IL1RAPL1: variants seen among roughly 807,000 people sequenced by gnomAD.
The protein encoded by IL1RAPL1 is interleukin-1 receptor accessory protein-like 1.
In IL1RAPL1, 3 loss-of-function variants were observed where a neutral mutation model predicts 48.4. The observed-to-expected ratio is 0.06, with a 90% CI of 0.03 to 0.16. The LOEUF (loss-of-function observed/expected upper bound fraction) is 0.16, where lower values mean the gene tolerates loss of function less well. Among genes scored for constraint, IL1RAPL1 ranks in the 10% least tolerant of loss-of-function variants. The probability of loss-of-function intolerance (pLI) is 1.00; values close to 1 mark genes in which losing one functional copy is unlikely to be tolerated. For missense variants in IL1RAPL1, 349 were observed against 530.6 expected, an observed-to-expected ratio of 0.66 and a Z score of 3.36; for synonymous variants, 185 against 187.7, an observed-to-expected ratio of 0.99 and a Z score of 0.12.
chrX:29,364,390 C>G (rs1933417282), intron 3 of IL1RAPL1, among the ~76,000 whole-genome samples: 1 of 108,014 alleles, frequency 9.3e-6, no homozygotes, highest in Non-Finnish European at 1.9e-5. Flanking sequence ...GAAACCCCAT[C>G]TCTACTAAAA....
At chrX:28,703,562 C>T (rs951067318) in intron 1 of IL1RAPL1, among the ~76,000 whole-genome samples, 1 of 110,996 alleles carries the variant, frequency 9.0e-6, no homozygotes, top group African/African-American at 3.3e-5. Context: ...TCCCCAACCC[C>T]CTAAAGAATA....
At chrX:28,645,549 C>A (rs1436104303) in intron 1 of IL1RAPL1, among the ~76,000 whole-genome samples, 1 of 109,171 alleles carries the variant, frequency 9.2e-6, no homozygotes, top group South Asian at 4.0e-4. Flanking sequence ...ATGCTATTGG[C>A]GATGAGCAGT....
chrX:28,612,584 G>A (rs1241230624), intron 1 of IL1RAPL1, among the ~76,000 whole-genome samples: 1 of 111,837 alleles, frequency 8.9e-6, no homozygotes, highest in Admixed American at 9.5e-5. Flanking sequence ...CTGAGTATGA[G>A]GGTGATATTG....
At chrX:29,012,323 G>A (rs1000519389) in intron 2 of IL1RAPL1, among the ~76,000 whole-genome samples, 11 of 111,490 alleles carry the variant, frequency 9.9e-5, no homozygotes, top group African/African-American at 2.3e-4. Flanking sequence ...CGGGTAGATC[G>A]CCTGAGGTCA....
At chrX:29,621,735 T>C (rs1924468487) in intron 5 of IL1RAPL1, among the ~76,000 whole-genome samples, 1 of 112,148 alleles carries the variant, frequency 8.9e-6, no homozygotes, top group Admixed American at 9.5e-5. Context: ...AATTGGAATA[T>C]CTGTCACCTT....
intron 5 of IL1RAPL1, among the ~76,000 whole-genome samples, chrX:29,599,343 G>A (rs937392205): frequency 1.8e-5 from 2 of 111,877 alleles, no homozygotes; most frequent in African/African-American, 6.5e-5. Context: ...GCTAAAAATC[G>A]GACCCCAATA....
intron 2 of IL1RAPL1, among the ~76,000 whole-genome samples, chrX:28,855,893 C>G (rs974376250): frequency 6.3e-5 from 7 of 111,376 alleles, no homozygotes; most frequent in Non-Finnish European, 1.3e-4. Context: ...AAATCCTACT[C>G]TACAGTAAAT....
intron 2 of IL1RAPL1, among the ~76,000 whole-genome samples, chrX:28,931,034 T>C (rs980041709): frequency 9.1e-6 from 1 of 109,659 alleles, no homozygotes; most frequent in African/African-American, 3.3e-5. Flanking sequence ...TTTGGTGGGG[T>C]GGGTTTTTTG....
chrX:29,755,880 T>C (rs1013988461), intron 6 of IL1RAPL1, among the ~76,000 whole-genome samples: 4 of 111,869 alleles, frequency 3.6e-5, no homozygotes, highest in Non-Finnish European at 7.5e-5. Context: ...TAAAATGAAA[T>C]GCGATGTGGA....
At position 29,673,551 on chromosome X, in the gene IL1RAPL1, C is replaced by T. The variant is rs150296633; in HGVS notation, c.778+5047C>T. 6.3e-5 allele frequency among the ~76,000 whole-genome samples: 7 copies of T among 111,189 alleles called. No homozygotes were observed. The East Asian group carries it at 2.0e-3, about 31-fold the overall frequency. Reference sequence around the variant, plus strand: ...AACCGTAAAACTTCCCTTTCTACTACGAGAAAAACAATAATATCCCAAGTC... The same window carrying T: ...AACCGTAAAACTTCCCTTTCTACTATGAGAAAAACAATAATATCCCAAGTC... On this transcript the variant is annotated intron_variant, in intron 6 of 10. Transcript: ENST00000378993.
chrX:29,067,173 G>A (rs1927469021), intron 2 of IL1RAPL1, among the ~76,000 whole-genome samples: 1 of 111,419 alleles, frequency 9.0e-6, no homozygotes, highest in East Asian at 2.8e-4. Flanking sequence ...TCATCATACT[G>A]CTGTTCTGGA....
chrX:29,586,233 A>G (rs1260845373), intron 5 of IL1RAPL1, among the ~76,000 whole-genome samples: 1 of 111,741 alleles, frequency 8.9e-6, no homozygotes, highest in African/African-American at 3.2e-5. Context: ...TATAGTGTAA[A>G]ACAAGGATCC....
At chrX:28,929,229 A>G (rs1372577905) in intron 2 of IL1RAPL1, among the ~76,000 whole-genome samples, 1 of 112,216 alleles carries the variant, frequency 8.9e-6, no homozygotes, top group Admixed American at 9.5e-5. Flanking sequence ...TACTTAGGCA[A>G]TTTGAACACA....
At chrX:28,974,139 A>C (rs1261244651) in intron 2 of IL1RAPL1, among the ~76,000 whole-genome samples, 2 of 111,863 alleles carry the variant, frequency 1.8e-5, no homozygotes, top group Non-Finnish European at 3.8e-5. Flanking sequence ...AGATGCTGGC[A>C]CTGGATTAAA....
At chrX:29,866,505 G>A (rs182166211) in intron 6 of IL1RAPL1, among the ~76,000 whole-genome samples, 10 of 110,364 alleles carry the variant, frequency 9.1e-5, no homozygotes, top group Admixed American at 2.9e-4. Context: ...TTGCAAAGAC[G>A]AAGTGGTCTT....
intron 2 of IL1RAPL1, among the ~76,000 whole-genome samples, chrX:28,867,341 T>G (rs1426743257): frequency 9.0e-6 from 1 of 111,671 alleles, no homozygotes; most frequent in Non-Finnish European, 1.9e-5. Flanking sequence ...AGAACTTTGC[T>G]AGTCATAATT....
At chrX:29,233,547 A>G (rs769049658) in intron 2 of IL1RAPL1, among the ~76,000 whole-genome samples, 7 of 111,021 alleles carry the variant, frequency 6.3e-5, no homozygotes, top group Non-Finnish European at 1.3e-4. Context: ...TTGCAAAATG[A>G]GGATTATGAG....
At chrX:28,854,807 A>G (rs1210715492) in intron 2 of IL1RAPL1, among the ~76,000 whole-genome samples, 1 of 111,599 alleles carries the variant, frequency 9.0e-6, no homozygotes, top group African/African-American at 3.3e-5. Flanking sequence ...GAGATTAAAT[A>G]AAATGAGGTC....
chrX:29,458,862 C>T (rs1338924332), intron 5 of IL1RAPL1, among the ~76,000 whole-genome samples: 2 of 110,712 alleles, frequency 1.8e-5, no homozygotes, highest in African/African-American at 6.6e-5. Context: ...CCTCAGAAAA[C>T]TTTTTTACGT....
Sources: allele counts gnomAD v4.1 joint callset (sites outside exome capture counted in the v4.1 genomes callset), GRCh38; gene constraint gnomAD v4.1.1; transcripts MANE v1.5; gene names NCBI Gene and HGNC (gene_info 2026-07-23, HGNC 2026-07-21).